Variants in PCDH15 observed in about 807,000 individuals in gnomAD.
PCDH15 encodes the protein protocadherin related 15, also known as protocadherin-15.
Under a neutral mutation model 178.5 loss-of-function variants are expected in PCDH15, and 129 were observed. That is an observed-to-expected ratio of 0.72 (90% confidence interval 0.63 to 0.84). The LOEUF (loss-of-function observed/expected upper bound fraction) is 0.84, where lower values mean the gene tolerates loss of function less well. PCDH15 is among the 40% of genes least tolerant of loss of function. PCDH15 has a pLI of 0.00. For synonymous variants in PCDH15, 800 were observed against 732.0 expected, an observed-to-expected ratio of 1.09 and a Z score of -1.50; for missense variants, 2,230 against 2,099.9, an observed-to-expected ratio of 1.06 and a Z score of -1.21.
At chr10:53,991,110 C>T (rs1453938085) in intron 21 of PCDH15, among the ~76,000 whole-genome samples, 4 of 152,158 alleles carry the variant, frequency 2.6e-5, no homozygotes, top group Non-Finnish European at 4.4e-5. Flanking sequence ...CGTGGGCTCC[C>T]GCGCAGCCCG....
chr10:55,043,096 T>C (rs1471719878), intron 2 of PCDH15, among the ~76,000 whole-genome samples: 4 of 152,180 alleles, frequency 2.6e-5, no homozygotes, highest in East Asian at 1.9e-4. Context: ...TCCTAAGGAA[T>C]GTTTTTAGAA....
chr10:53,837,707 A>AATAG (rs527639541), intron 29 of PCDH15, among the ~76,000 whole-genome samples: 48 of 152,130 alleles, frequency 3.2e-4, no homozygotes, highest in African/African-American at 1.1e-3. Context: ...ACAACTACAG[A>AATAG]ATAGATACCA....
At chr10:55,181,384 T>G (rs182165892) in intron 1 of PCDH15, among the ~76,000 whole-genome samples, 1 of 152,152 alleles carries the variant, frequency 6.6e-6, no homozygotes, top group African/African-American at 2.4e-5. Context: ...ATTTGAACTC[T>G]TCTGTTAAAA....
intron 2 of PCDH15, among the ~76,000 whole-genome samples, chr10:54,607,632 G>T (rs1198259978): frequency 1.3e-5 from 2 of 152,044 alleles, no homozygotes; most frequent in African/African-American, 4.8e-5. Flanking sequence ...GATTAGAATT[G>T]CCTTAGCATA....
chr10:55,599,634 G>T, intron 2 of PCDH15: 1 of 230,294 alleles, frequency 4.3e-6, no homozygotes, highest in Non-Finnish European at 8.4e-6. Context: ...ATAATCCACT[G>T]ACAGTTAACA....
rs1842104436 is a variant in PCDH15, at chr10:55,084,039, T to G, written c.-80+82537A>C. On this transcript the variant is annotated intron_variant, in intron 2 of 5. Coordinates refer to the PCDH15 transcript ENST00000458638. ...AGATAATGTAATTCCTATCAAAATA[T>G]AAATGACATTCTTCACAAAAATATA... Among the ~76,000 whole-genome samples, 9 of 151,686 alleles carry G rather than the reference T, an allele frequency of 5.9e-5. No individual in the cohort carries two copies. The South Asian group carries it at 1.9e-3, about 31-fold the overall frequency.
chr10:55,465,787 T>C (rs927209438), intron 2 of PCDH15, among the ~76,000 whole-genome samples: 1 of 152,158 alleles, frequency 6.6e-6, no homozygotes, highest in Non-Finnish European at 1.5e-5. Context: ...TTTTACCTAA[T>C]ATAGAGAACA....
At chr10:54,026,405 A>C (rs947698705) in intron 18 of PCDH15, among the ~76,000 whole-genome samples, 6 of 152,146 alleles carry the variant, frequency 3.9e-5, no homozygotes, top group African/African-American at 1.4e-4. Flanking sequence ...CCAAGCAGAT[A>C]TTCATTAAGC....
chr10:55,049,407 G>A (rs967871700), intron 2 of PCDH15, among the ~76,000 whole-genome samples: 1 of 151,380 alleles, frequency 6.6e-6, no homozygotes, highest in Non-Finnish European at 1.5e-5. Flanking sequence ...ACTGACTGTT[G>A]AGCTACATCT....
chr10:55,263,791 G>GTA (rs1186222045), intron 1 of PCDH15, among the ~76,000 whole-genome samples: 3 of 152,110 alleles, frequency 2.0e-5, no homozygotes, highest in African/African-American at 7.2e-5. Context: ...CTGGAGTGCA[G>GTA]TGGTGCGATC....
chr10:54,830,376 C>T (rs971202192), intron 3 of PCDH15, among the ~76,000 whole-genome samples: 1 of 152,074 alleles, frequency 6.6e-6, no homozygotes, highest in Non-Finnish European at 1.5e-5. Context: ...AAATGTGGCA[C>T]ATATACACCA....
chr10:54,925,488 A>C lies in PCDH15; in HGVS notation c.-79-27988T>G, dbSNP rs139545294. ...TCATTATAGTTCTTTGAGGAATGTCATTGGTATTTCCATAGGAATAGCATT... is the reference window on the plus strand; with the variant it reads ...TCATTATAGTTCTTTGAGGAATGTCCTTGGTATTTCCATAGGAATAGCATT... On this transcript the variant is annotated intron_variant, in intron 2 of 5. Coordinates refer to the PCDH15 transcript ENST00000458638. 4.3e-3 allele frequency among the ~76,000 whole-genome samples: 651 copies of C among 152,154 alleles called. 4 individuals carry two copies. Among genetic ancestry groups the C allele is most frequent in the African/African-American group, 0.015 (624 of 41,512 alleles).
rs76660714 is a variant in PCDH15 at position 55,352,577 on chromosome 10, G to A, written c.-155-185926C>T. 2.4e-3 allele frequency among the ~76,000 whole-genome samples: 358 copies of A among 152,230 alleles called. 8 individuals carry two copies. The East Asian group carries it at 0.036, about 15-fold the overall frequency. On this transcript the variant is annotated intron_variant, in intron 2 of 5. Transcript: ENST00000613346. ...AAGAACACAATGCCAACCATTCTAC[G>A]GTTGTTCAGAATTTGAAGCAAATAG...
At chr10:53,930,330 C>CA (rs1433352593) in intron 25 of PCDH15, among the ~76,000 whole-genome samples, 1 of 151,420 alleles carries the variant, frequency 6.6e-6, no homozygotes, top group African/African-American at 2.4e-5. Context: ...TGGTGTCAGG[C>CA]ACCTGTAGTT....
intron 14 of PCDH15, among the ~76,000 whole-genome samples, chr10:54,141,442 G>A (rs138741003): frequency 1.1e-3 from 164 of 152,286 alleles, no homozygotes; most frequent in African/African-American, 3.6e-3. Flanking sequence ...AAGTAGATGA[G>A]AATAGAAGTG....
intron 2 of PCDH15, among the ~76,000 whole-genome samples, chr10:55,544,170 A>ATATG (rs1554795205): frequency 8.0e-5 from 11 of 137,868 alleles, no homozygotes; most frequent in African/African-American, 2.9e-4. Flanking sequence ...ATATATATAT[A>ATATG]TATATTATAC....
intron 3 of PCDH15, among the ~76,000 whole-genome samples, chr10:54,885,432 A>G (rs1276298896): frequency 6.6e-6 from 1 of 152,082 alleles, no homozygotes; most frequent in Admixed American, 6.6e-5. Context: ...CTCCACTGGG[A>G]AGAAGGCAGA....
At chr10:54,088,315 G>T (rs115632308) in intron 16 of PCDH15, among the ~76,000 whole-genome samples, 1 of 152,058 alleles carries the variant, frequency 6.6e-6, no homozygotes, top group East Asian at 1.9e-4. Flanking sequence ...AACAGTGATC[G>T]TGATCATATT....
intron 3 of PCDH15, among the ~76,000 whole-genome samples, chr10:54,889,109 T>C (rs1954414654): frequency 1.3e-5 from 2 of 151,934 alleles, no homozygotes; most frequent in African/African-American, 2.4e-5. Context: ...CATTGAAGAA[T>C]TGATGACTCC....
Sources: allele counts gnomAD v4.1 joint callset (sites outside exome capture counted in the v4.1 genomes callset), GRCh38; gene constraint gnomAD v4.1.1; transcripts MANE v1.5; gene names NCBI Gene and HGNC (gene_info 2026-07-23, HGNC 2026-07-21).